Variants in ASPHD1 observed in about 807,000 individuals in gnomAD.
ASPHD1 encodes the protein aspartate beta-hydroxylase domain-containing protein 1.
Under a neutral mutation model 28.3 loss-of-function variants are expected in ASPHD1, and 20 were observed. That is an observed-to-expected ratio of 0.71 (90% CI 0.50 to 1.03). ASPHD1 has a LOEUF of 1.03. Ranked by LOEUF, ASPHD1 falls within the 50% of genes least tolerant of loss-of-function variation. The probability of loss-of-function intolerance (pLI) is 0.00; values close to 1 mark genes in which losing one functional copy is unlikely to be tolerated. For synonymous variants in ASPHD1, 240 were observed against 221.2 expected, an observed-to-expected ratio of 1.08 and a Z score of -0.75; for missense variants, 479 against 524.1, an observed-to-expected ratio of 0.91 and a Z score of 0.84.
chr16:29,900,831 T>A lies in ASPHD1; in HGVS notation c.-141T>A. On this transcript the variant is annotated 5_prime_UTR_variant, in exon 1 of 3. Transcript: ENST00000308748. Reference sequence around the variant, plus strand: ...TGGGGAGGAAAGGGGGAGATTGAGGTGGGAGAGAGAAGCAGAGCGAGAGAG... The same window carrying A: ...TGGGGAGGAAAGGGGGAGATTGAGGAGGGAGAGAGAAGCAGAGCGAGAGAG... 1 of 704,934 alleles carries A rather than the reference T, an allele frequency of 1.4e-6. No homozygotes were observed. Among genetic ancestry groups the A allele is most frequent in the African/African-American group, 2.0e-5 (1 of 50,432 alleles). The allele number at this position is 704,934 out of a possible 1,614,324, so 43.7% of individuals were successfully genotyped here. A position where few individuals can be genotyped will look rare whatever the true frequency, so the allele number is the denominator to read the frequency against.
downstream of ASPHD1, among the ~76,000 whole-genome samples, chr16:29,908,409 GA>G: frequency 6.6e-6 from 1 of 152,070 alleles, no homozygotes; most frequent in African/African-American, 2.4e-5. Flanking sequence ...TCCTGAGACA[GA>G]GTCTTGCTCT....
At position 29,901,772 on chromosome 16, in the gene ASPHD1, G is replaced by A. The variant is rs201711586; in HGVS notation, c.801G>A (p.Arg267=). 2.9e-5 allele frequency: 45 copies of A among 1,553,876 alleles called. No homozygotes were observed. The highest frequency in any genetic ancestry group is 3.8e-5 in the Non-Finnish European group (44 of 1,149,764). ...AGRCQPSNCR[R]CPGAYRALRG... ...GGTGCCAACCCAGCAACTGCCGCCG[G>A]TGCCCGGGGGCCTATCGGGCACTGA... Residue 267 remains arginine (R), a synonymous_variant, in exon 1 of 3, where the codon CGG becomes CGA. Coordinates refer to ENST00000308748, the MANE Select transcript of ASPHD1 (RefSeq NM_181718.4). The surrounding 1 kb of genome is among the most constrained non-coding windows in gnomAD (Gnocchi z 5.1).
downstream of ASPHD1, chr16:29,907,162 C>G: frequency 7.7e-7 from 1 of 1,293,006 alleles, no homozygotes; most frequent in Non-Finnish European, 1.1e-6. Flanking sequence ...TCACGCAGGG[C>G]CATCCCCCTG....
At position 29,905,992 on chromosome 16, in the gene ASPHD1, GGCGGGGGC is replaced by G; in HGVS notation, c.*97_*104del. The G allele has an allele frequency of 1.3e-6, 1 of 756,054 alleles. No homozygotes were observed. The highest frequency in any genetic ancestry group is 2.1e-6 in the Non-Finnish European group (1 of 470,726). The allele number at this position is 756,054 out of a possible 1,614,324, so 46.8% of individuals were successfully genotyped here. A position where few individuals can be genotyped will look rare whatever the true frequency, so the allele number is the denominator to read the frequency against. On this transcript the variant is annotated 3_prime_UTR_variant, in exon 3 of 3. Transcript: ENST00000308748. ...GGACCTCCTCTCTACTGCGGGGGTG[GGCGGGGGC>G]GGAGGATGGGAACTGGCTAGTGAGC... is the stretch of plus-strand genomic sequence containing the variant.
rs185140470 is a variant in ASPHD1, at chr16:29,902,430, C to A, written c.949+510C>A. 3.9e-5 allele frequency among the ~76,000 whole-genome samples: 6 copies of A among 152,316 alleles called. No homozygotes were observed. The East Asian group carries it at 1.2e-3, about 29-fold the overall frequency. The stretch of plus-strand genomic sequence containing the variant: ...GGTGACAAGAAAGTACTCATAAACA[C>A]AAGCTGAAATTTAAAAAAGAAAGCT... On this transcript the variant is annotated intron_variant, in intron 1 of 2. Coordinates refer to ENST00000308748, the MANE Select transcript of ASPHD1 (RefSeq NM_181718.4).
chr16:29,910,728 T>C (rs184816474), downstream of ASPHD1, among the ~76,000 whole-genome samples: 2 of 151,988 alleles, frequency 1.3e-5, no homozygotes, highest in African/African-American at 4.8e-5. Flanking sequence ...ATTTCAGGAG[T>C]TGCAAACAGC....
chr16:29,907,925 C>T (rs1174412339), downstream of ASPHD1, among the ~76,000 whole-genome samples: 1 of 151,286 alleles, frequency 6.6e-6, no homozygotes, highest in Non-Finnish European at 1.5e-5. Flanking sequence ...ATCGTTAGAG[C>T]CCAGGAGTTC....
At chr16:29,911,785 C>T (rs771423350) in intron 3 of ASPHD1, 2 of 1,610,988 alleles carry the variant, frequency 1.2e-6, no homozygotes, top group South Asian at 2.2e-5. Context: ...TCCCAGGGTC[C>T]CGCCCAGTGC....
In ASPHD1 at chr16:29,900,825, T is replaced by C. The variant is rs2068530777; in HGVS notation, c.-147T>C. ...CGGGGGTGGGGAGGAAAGGGGGAGA[T>C]TGAGGTGGGAGAGAGAAGCAGAGCG... On this transcript the variant is annotated 5_prime_UTR_variant, in exon 1 of 3. Coordinates refer to ENST00000308748, the MANE Select transcript of ASPHD1 (RefSeq NM_181718.4). 3 of 655,650 alleles carry C rather than the reference T, an allele frequency of 4.6e-6. No individual in the cohort carries two copies. The highest frequency in any genetic ancestry group is 5.0e-6 in the Non-Finnish European group (2 of 398,286). The allele number at this position is 655,650 out of a possible 1,614,324, so 40.6% of individuals were successfully genotyped here. A position where few individuals can be genotyped will look rare whatever the true frequency, so the allele number is the denominator to read the frequency against.
chr16:29,912,048 T>C, intron 3 of ASPHD1: 1 of 1,601,550 alleles, frequency 6.2e-7, no homozygotes, highest in South Asian at 1.1e-5. Context: ...CTCCCTTTTT[T>C]GCTGGGGAAG....
intron 1 of ASPHD1, among the ~76,000 whole-genome samples, chr16:29,903,741 TA>T (rs1567436168): frequency 1.3e-5 from 2 of 152,054 alleles, no homozygotes; most frequent in Non-Finnish European, 2.9e-5. Flanking sequence ...CCTTCCCCCG[TA>T]CCACCTCCTG....
chr16:29,912,628 C>T (rs1245028005), intron 3 of ASPHD1, among the ~76,000 whole-genome samples: 21 of 152,068 alleles, frequency 1.4e-4, no homozygotes, highest in South Asian at 2.1e-4. Context: ...TTAGTAGAGA[C>T]GAGGTTTCTC....
chr16:29,917,862 T>G (rs1017344577), intron 3 of ASPHD1, among the ~76,000 whole-genome samples: 1 of 151,992 alleles, frequency 6.6e-6, no homozygotes, highest in African/African-American at 2.4e-5. Flanking sequence ...ACATGAAAAT[T>G]GTTTGAACCT....
At chr16:29,907,570 T>A (rs1284020028), downstream of ASPHD1, among the ~76,000 whole-genome samples, 1 of 151,154 alleles carries the variant, frequency 6.6e-6, no homozygotes, top group Non-Finnish European at 1.5e-5. Context: ...GAGGACAGCT[T>A]GAGGCCAGGA....
rs144488443 is a variant in ASPHD1 at position 29,901,781 on chromosome 16, G to A, written c.810G>A (p.Gly270=). ...CCAGCAACTGCCGCCGGTGCCCGGG[G>A]GCCTATCGGGCACTGAGGGGGCTTC... The part of the protein sequence containing the change: ...CQPSNCRRCP[G]AYRALRGLRS... Residue 270 remains glycine, a synonymous_variant, in exon 1 of 3, where the codon GGG becomes GGA. Transcript: ENST00000308748. This position sits in a 1 kb window ranked among gnomAD's most constrained non-coding sequence, Gnocchi z 5.1. The A allele has an allele frequency of 5.1e-6, 8 of 1,557,756 alleles. No homozygotes were observed. Among genetic ancestry groups the A allele is most frequent in the South Asian group, 1.2e-5 (1 of 84,192 alleles).
Position 29,904,787 on chromosome 16 carries a change from G to T in ASPHD1, c.950-65G>T. 2.8e-6 allele frequency: 3 copies of T among 1,064,822 alleles called. No homozygotes were observed. The South Asian group carries it at 4.3e-5, about 15-fold the overall frequency. The allele number at this position is 1,064,822 out of a possible 1,614,324, so 66.0% of individuals were successfully genotyped here. Reference sequence around the variant, plus strand: ...AGACACTTAGAGCTAGTTGCTAATTGACTGGCCAGGATGGGCCCCTGGGAT... The same window carrying T: ...AGACACTTAGAGCTAGTTGCTAATTTACTGGCCAGGATGGGCCCCTGGGAT... On this transcript the variant is annotated intron_variant, in intron 1 of 2. Transcript: ENST00000308748.
Position 29,904,836 on chromosome 16 carries a change from G to A in ASPHD1, c.950-16G>A, listed in dbSNP as rs772716611. ...ATGGAGGCAGGAGTGCTGGATGCCC[G>A]CGTCTCTTCTTACAGGCCTAAAGAT... On this transcript the variant is annotated splice_polypyrimidine_tract_variant and intron_variant, in intron 1 of 2. Coordinates refer to ENST00000308748, the MANE Select transcript of ASPHD1 (RefSeq NM_181718.4). 25 of 1,589,698 alleles carry A rather than the reference G, an allele frequency of 1.6e-5. No individual in the cohort carries two copies. Among genetic ancestry groups the A allele is most frequent in the East Asian group, 1.1e-4 (5 of 44,472 alleles).
Position 29,906,031 on chromosome 16 carries a change from A to C in ASPHD1, c.*134A>C. 1 of 595,832 alleles carries C rather than the reference A, an allele frequency of 1.7e-6. No homozygotes were observed. The allele number at this position is 595,832 out of a possible 1,614,324, so 36.9% of individuals were successfully genotyped here. On this transcript the variant is annotated 3_prime_UTR_variant, in exon 3 of 3. Transcript: ENST00000308748. ...ATGGGAACTGGCTAGTGAGCACTGA[A>C]ATATAAATTCTGAATCCTCTCCTAA...
At chr16:29,906,558 G>A (rs2068616794), downstream of ASPHD1, 1 of 509,922 alleles carries the variant, frequency 2.0e-6, no homozygotes, top group East Asian at 5.2e-5. Context: ...CTTTGGCATG[G>A]ACGATGCACT....
Sources: allele counts gnomAD v4.1 joint callset (sites outside exome capture counted in the v4.1 genomes callset), GRCh38; gene constraint gnomAD v4.1.1; non-coding constraint Gnocchi (gnomAD v3.1); transcripts MANE v1.5; gene names NCBI Gene and HGNC (gene_info 2026-07-23, HGNC 2026-07-21).